SLC26A6: variants seen among roughly 807,000 people sequenced by gnomAD.
SLC26A6 encodes anion exchange transporter.
In SLC26A6, 67 loss-of-function variants were observed where a neutral mutation model predicts 87.1. The ratio of observed to expected loss-of-function variants is 0.77; its 90% CI spans 0.63 to 0.94. The LOEUF (loss-of-function observed/expected upper bound fraction) is 0.94. Among genes scored for constraint, SLC26A6 ranks in the 40% least tolerant of loss-of-function variants. The probability of loss-of-function intolerance (pLI) is 0.00; values close to 1 mark genes in which losing one functional copy is unlikely to be tolerated. For missense variants in SLC26A6, 902 were observed against 973.0 expected (o/e 0.93, Z 0.97); for synonymous variants, 414 against 405.9 (o/e 1.02, Z -0.24).
Position 48,635,423 on chromosome 3 carries a change from C to T in SLC26A6, c.-30G>A. 6.4e-7 allele frequency: 1 copy of T among 1,571,120 alleles called. No individual in the cohort carries two copies. The highest frequency in any genetic ancestry group is 8.6e-7 in the Non-Finnish European group (1 of 1,159,866). ...CGCAAGTTGTCCGGTGCGGGCTGCT[C>T]CTGCTGCTCGAGCTAGAGGCCGCTA... On this transcript the variant is annotated 5_prime_UTR_variant, in exon 1 of 21. Transcript: ENST00000395550.
rs941596872 is a variant in SLC26A6 at position 48,631,656 on chromosome 3, A to C, written c.896T>G (p.Leu299Arg). Residue 299 changes from leucine to arginine, a missense_variant, in exon 7 of 21, where the codon CTG (leucine) becomes CGG (arginine). Physicochemically the swap from Leu to Arg is moderately radical, Grantham distance 102 (BLOSUM62 -2). Coordinates refer to ENST00000395550, the MANE Select transcript of SLC26A6 (RefSeq NM_022911.3). ...QQLPMPIPGELLTLIGATGIS... is the reference protein window; with the variant it reads ...QQLPMPIPGERLTLIGATGIS... ...ACTCCCTGGCCCTCGAACCGTGAGC[A>C]GCTCCCCGGGTATCGGCATGGGCAG... The C allele has an allele frequency of 1.2e-5, 19 of 1,612,918 alleles. No individual in the cohort carries two copies. The highest frequency in any genetic ancestry group is 1.5e-5 in the Non-Finnish European group (18 of 1,179,830).
At position 48,628,432 on chromosome 3, in the gene SLC26A6, G is replaced by A; in HGVS notation, c.1800+2C>T. The stretch of plus-strand genomic sequence containing the variant: ...GGGGTCACCAGACAAAAGGGGCCCT[G>A]CCTGTTTCCGAAGCTTCTCCTCTTT... On this transcript the variant is annotated splice_donor_variant, in intron 16 of 20. Coordinates refer to ENST00000395550, the MANE Select transcript of SLC26A6 (RefSeq NM_022911.3). LOFTEE classifies it low-confidence loss of function (GC_TO_GT_DONOR). The surrounding 1 kb of genome is among the most constrained non-coding windows in gnomAD (Gnocchi z 4.4). 6.2e-7 allele frequency: 1 copy of A among 1,613,920 alleles called. No individual in the cohort carries two copies. Among genetic ancestry groups the A allele is most frequent in the Non-Finnish European group, 8.5e-7 (1 of 1,179,986 alleles).
In SLC26A6 at chr3:48,625,990, A is replaced by G. The variant is rs1167575567; in HGVS notation, c.2276T>C (p.Leu759Pro). The G allele has an allele frequency of 2.5e-6, 4 of 1,613,860 alleles. No homozygotes were observed. Among genetic ancestry groups the G allele is most frequent in the Non-Finnish European group, 3.4e-6 (4 of 1,179,932 alleles). ...CTTGGGCAGGATGTAGCATGTTCAG[A>G]GTCTGGTGACCTGAGCAGGCAGAGG... ...VPDSPVSVTRL is the reference protein window; with the variant it reads ...VPDSPVSVTRP Residue 759 changes from leucine to proline, a missense_variant, in exon 21 of 21, where the codon CTC (leucine) becomes CCC (proline). Transcript: ENST00000395550. This position sits in a 1 kb window ranked among gnomAD's most constrained non-coding sequence, Gnocchi z 4.7.
At chr3:48,626,561 T>G (rs751733911) in intron 19 of SLC26A6, 70 bp downstream of exon 19, 2 of 1,604,410 alleles carry the variant, frequency 1.2e-6, no homozygotes, top group Non-Finnish European at 1.7e-6. Context: ...TTGTGCTACT[T>G]GGAAAACCCC....
chr3:48,626,758 AG>A, intron 18 of SLC26A6, 73 bp from the exon 19 acceptor site: 3 of 1,609,496 alleles, frequency 1.9e-6, no homozygotes, highest in Non-Finnish European at 1.7e-6. Flanking sequence ...AGGCTTGGGG[AG>A]GGAGTTTAGA....
At position 48,628,228 on chromosome 3, in the gene SLC26A6, C is replaced by T. The variant is rs1314350137; in HGVS notation, c.1801-190G>A. Reference sequence around the variant, plus strand: ...AAGGGAAGAGGACTGTGACGGTTCTCACTGTCACTGGTTCAGATGATGGGA... The same window carrying T: ...AAGGGAAGAGGACTGTGACGGTTCTTACTGTCACTGGTTCAGATGATGGGA... On this transcript the variant is annotated intron_variant, in intron 16 of 20. Transcript: ENST00000395550. This position sits in a 1 kb window ranked among gnomAD's most constrained non-coding sequence, Gnocchi z 4.4. The T allele has an allele frequency of 7.8e-6, 6 of 767,038 alleles. No individual in the cohort carries two copies. Among genetic ancestry groups the T allele is most frequent in the Non-Finnish European group, 1.2e-5 (6 of 482,028 alleles). The allele number at this position is 767,038 out of a possible 1,614,324, so 47.5% of individuals were successfully genotyped here. A position where few individuals can be genotyped will look rare whatever the true frequency, so the allele number is the denominator to read the frequency against.
Position 48,631,818 on chromosome 3 carries a change from TCACAGCTAGCACTCAAGGCCATGGGG to T in SLC26A6, c.750+36_751-18del. On this transcript the variant is annotated intron_variant, in intron 6 of 20. Coordinates refer to ENST00000395550, the MANE Select transcript of SLC26A6 (RefSeq NM_022911.3). ...CAGCACTGTCTGAGGAGAGGCCAGG[TCACAGCTAGCACTCAAGGCCATGGGG>T]CACACCTACCCCTCCCTCCCCCTAC... 1.2e-6 allele frequency: 2 copies of T among 1,613,070 alleles called. No individual in the cohort carries two copies.
chr3:48,629,718 A>G lies in SLC26A6; in HGVS notation c.1530-7T>C. On this transcript the variant is annotated splice_region_variant and splice_polypyrimidine_tract_variant and intron_variant, in intron 13 of 20. Transcript: ENST00000395550. ...CAGGACAGAGTAGTGGGGCCTGTGA[A>G]GGAGAGAGAGAATGCACGAAGAGGG... The G allele has an allele frequency of 6.2e-7, 1 of 1,612,984 alleles. No individual in the cohort carries two copies.
intron 5 of SLC26A6, 44 bp downstream of exon 5, chr3:48,632,201 G>A (rs764425152): frequency 2.5e-6 from 4 of 1,568,882 alleles, no homozygotes; most frequent in Admixed American, 3.5e-5. Context: ...AGTGGCGGGA[G>A]CAGAAGTGGT....
intron 3 of SLC26A6, 43 bp downstream of exon 3, chr3:48,633,208 C>G: frequency 3.7e-6 from 6 of 1,600,638 alleles, no homozygotes; most frequent in Non-Finnish European, 5.1e-6. Context: ...TTGGGCATCA[C>G]AGACCACAGG....
intron 11 of SLC26A6, 63 bp from the exon 12 acceptor site, chr3:48,630,220 C>G: frequency 1.3e-6 from 2 of 1,570,030 alleles, no homozygotes; most frequent in Non-Finnish European, 1.7e-6. Context: ...ACCCTCCTCA[C>G]CGAGGCAAAG....
intron 7 of SLC26A6, 134 bp from the exon 8 acceptor site, chr3:48,631,440 G>A: frequency 8.7e-7 from 1 of 1,145,894 alleles, no homozygotes. Flanking sequence ...CGTAGGGTGA[G>A]AGACAGGCAA....
At position 48,626,868 on chromosome 3, in the gene SLC26A6, G is replaced by C; in HGVS notation, c.2073+8C>G. The C allele has an allele frequency of 1.9e-6, 3 of 1,612,082 alleles. No individual in the cohort carries two copies. The highest frequency in any genetic ancestry group is 2.5e-6 in the Non-Finnish European group (3 of 1,178,946). On this transcript the variant is annotated splice_region_variant and intron_variant, in intron 18 of 20. Coordinates refer to ENST00000395550, the MANE Select transcript of SLC26A6 (RefSeq NM_022911.3). The stretch of plus-strand genomic sequence containing the variant: ...GCTCGAGGGGCCTTGGCCTGCCCCC[G>C]TCCTTACATTCTTCAGGCTCTTGAG...
rs769811923 is a variant in SLC26A6 at position 48,632,887 on chromosome 3, G to T, written c.433+87C>A. On this transcript the variant is annotated intron_variant, in intron 4 of 20. Transcript: ENST00000395550. The stretch of plus-strand genomic sequence containing the variant: ...ACCAATGCTGCCCTCTTCCCCAGCC[G>T]CTCCTGCCCTGCTCAGTGCCCCCTC... 5 of 1,327,396 alleles carry T rather than the reference G, an allele frequency of 3.8e-6. No homozygotes were observed. The African/African-American group carries it at 5.8e-5, about 15-fold the overall frequency. 82.2% of individuals were successfully genotyped at this position (1,327,396 alleles called of 1,614,324 possible).
chr3:48,629,426 T>TC (rs1049613038), intron 14 of SLC26A6, among the ~76,000 whole-genome samples: 1 of 152,074 alleles, frequency 6.6e-6, no homozygotes, highest in African/African-American at 2.4e-5. Flanking sequence ...GACAGACCCC[T>TC]CCCCAGCCCC....
intron 1 of SLC26A6, chr3:48,634,627 G>A (rs2046903186): frequency 2.7e-6 from 2 of 731,486 alleles, no homozygotes; most frequent in South Asian, 1.2e-4. Flanking sequence ...TTACCTGGGG[G>A]AAAACTCTAG....
Position 48,628,379 on chromosome 3 carries a change from T to TGGGGCAGGGAACAG in SLC26A6, c.1800+41_1800+54dup. ...AGGAGTCGGGGGCCAGGAGAAAGGCTGGGGCAGGGAACAGGGGGCAGGAGA... is the reference window on the plus strand; with the variant it reads ...AGGAGTCGGGGGCCAGGAGAAAGGCTGGGGCAGGGAACAGGGGGCAGGGAACAGGGGGCAGGAGA... On this transcript the variant is annotated intron_variant, in intron 16 of 20. Coordinates refer to ENST00000395550, the MANE Select transcript of SLC26A6 (RefSeq NM_022911.3). The surrounding 1 kb of genome is among the most constrained non-coding windows in gnomAD (Gnocchi z 4.4). 1 of 1,557,606 alleles carries TGGGGCAGGGAACAG rather than the reference T, an allele frequency of 6.4e-7. No individual in the cohort carries two copies. Among genetic ancestry groups the TGGGGCAGGGAACAG allele is most frequent in the Non-Finnish European group, 8.6e-7 (1 of 1,156,766 alleles).
Position 48,625,900 on chromosome 3 carries a change from G to A in SLC26A6, c.*86C>T. The A allele has an allele frequency of 9.0e-6, 14 of 1,561,194 alleles. No individual in the cohort carries two copies. The highest frequency in any genetic ancestry group is 1.2e-5 in the Non-Finnish European group (14 of 1,138,034). ...TGTACATGGAGGGGACTCCTGGGTA[G>A]CACCTGGAGGCGGCCTAGGGGTGAG... On this transcript the variant is annotated 3_prime_UTR_variant, in exon 21 of 21. Coordinates refer to ENST00000395550, the MANE Select transcript of SLC26A6 (RefSeq NM_022911.3). The surrounding 1 kb of genome is among the most constrained non-coding windows in gnomAD (Gnocchi z 4.7).
chr3:48,627,640 T>C, intron 17 of SLC26A6: 1 of 256,466 alleles, frequency 3.9e-6, no homozygotes, highest in Non-Finnish European at 7.3e-6. Flanking sequence ...ACGCCTGCCT[T>C]TGACCCCTTG....
Sources: gnomAD v4.1 joint callset for allele counts (sites outside exome capture counted in the v4.1 genomes callset) on GRCh38, gnomAD v4.1.1 for gene constraint, Gnocchi (gnomAD v3.1) non-coding constraint, MANE v1.5 for transcripts, NCBI Gene and HGNC (gene_info 2026-07-23, HGNC 2026-07-21) for gene names.